Variants in TRAP1 observed in about 807,000 individuals in gnomAD.
TRAP1 encodes heat shock protein 75 kDa, mitochondrial.
A neutral mutation model predicts 89.1 loss-of-function variants in TRAP1; 102 were observed. That is an observed-to-expected ratio of 1.15 (90% confidence interval 0.98 to 1.35). The LOEUF is 1.35. TRAP1 is among the 40% of genes most tolerant of loss of function. The pLI, the probability that TRAP1 is intolerant of heterozygous loss-of-function variation, is 0.00. For synonymous variants in TRAP1, 508 were observed against 388.0 expected (o/e 1.31, Z -3.64); for missense variants, 1,256 against 945.3 (o/e 1.33, Z -4.31).
At chr16:3,664,221 G>C in intron 13 of TRAP1, 53 bp downstream of exon 13, 10 of 1,478,176 alleles carry the variant, frequency 6.8e-6, no homozygotes, top group Non-Finnish European at 9.0e-6. Context: ...AGAAGGTCAA[G>C]ACCCTCCCCA....
chr16:3,696,367 G>A (rs371976729), intron 1 of TRAP1, among the ~76,000 whole-genome samples: 7 of 152,130 alleles, frequency 4.6e-5, no homozygotes, highest in African/African-American at 7.2e-5. Flanking sequence ...CAATCTGTGC[G>A]GCAAAATAAC....
Position 3,689,080 on chromosome 16 carries a change from G to A in TRAP1, c.305C>T (p.Ala102Val). ...AETKKLLDIV[A>V]RSLYSEKEVF... is the part of the protein sequence containing the mutation. ...CTCTTTTTCTGAGTACAGGGACCGGGCAACAATGTCCAAAAGCTTCTTTGT... is the reference window on the plus strand; with the variant it reads ...CTCTTTTTCTGAGTACAGGGACCGGACAACAATGTCCAAAAGCTTCTTTGT... Residue 102 changes from alanine to valine, a missense_variant, in exon 3 of 18, where the codon GCC (alanine) becomes GTC (valine). Physicochemically the swap from Ala to Val is moderately conservative, Grantham distance 64 (BLOSUM62 0). Coordinates refer to ENST00000246957, the MANE Select transcript of TRAP1 (RefSeq NM_016292.3). 6.2e-7 allele frequency: 1 copy of A among 1,613,926 alleles called. No individual in the cohort carries two copies. The highest frequency in any genetic ancestry group is 8.5e-7 in the Non-Finnish European group (1 of 1,179,934).
rs2050742912 is a variant in TRAP1, at chr16:3,663,565, G to A, written c.1570-3C>T. On this transcript the variant is annotated splice_region_variant and splice_polypyrimidine_tract_variant and intron_variant, in intron 13 of 17. Transcript: ENST00000246957. ...AACTGCTCAAAGCAGAAGAGAACCT[G>A]CAGGTGGCCAAGAGCAGCTCCATCA... 1.9e-6 allele frequency: 3 copies of A among 1,613,570 alleles called. No homozygotes were observed. Among genetic ancestry groups the A allele is most frequent in the East Asian group, 2.2e-5 (1 of 44,898 alleles).
intron 4 of TRAP1, among the ~76,000 whole-genome samples, chr16:3,682,387 C>CAAAA (rs569995327): frequency 1.3e-5 from 1 of 78,372 alleles, no homozygotes; most frequent in Non-Finnish European, 2.7e-5. Context: ...CCTGCCTCTA[C>CAAAA]AAAAAAAAAA....
intron 11 of TRAP1, among the ~76,000 whole-genome samples, chr16:3,669,051 G>C (rs1423083186): frequency 2.6e-5 from 4 of 152,180 alleles, no homozygotes; most frequent in South Asian, 2.1e-4. Context: ...ATCCAGCCCA[G>C]GGACATTGTA....
intron 1 of TRAP1, among the ~76,000 whole-genome samples, chr16:3,714,229 T>G (rs1441162117): frequency 2.0e-5 from 3 of 152,180 alleles, no homozygotes; most frequent in African/African-American, 4.8e-5. Context: ...CAGCCACCTA[T>G]GACTCCAGAC....
At chr16:3,685,416 C>T (rs1428493777) in intron 4 of TRAP1, among the ~76,000 whole-genome samples, 1 of 152,158 alleles carries the variant, frequency 6.6e-6, no homozygotes, top group Admixed American at 6.6e-5. Context: ...AGCAAGCCAG[C>T]ACCCTAAAAG....
At chr16:3,668,864 G>A (rs1341498322) in intron 11 of TRAP1, among the ~76,000 whole-genome samples, 1 of 152,238 alleles carries the variant, frequency 6.6e-6, no homozygotes, top group Non-Finnish European at 1.5e-5. Flanking sequence ...ACAGTTCTCA[G>A]TGGAGAAGAA....
chr16:3,675,093 C>T (rs574587230), intron 8 of TRAP1, among the ~76,000 whole-genome samples: 4 of 152,138 alleles, frequency 2.6e-5, no homozygotes, highest in Non-Finnish European at 4.4e-5. Context: ...CTGGGATGGG[C>T]GTTACGCCTC....
At chr16:3,705,103 C>A (rs577471947) in intron 1 of TRAP1, among the ~76,000 whole-genome samples, 39 of 152,190 alleles carry the variant, frequency 2.6e-4, no homozygotes, top group African/African-American at 8.7e-4. Context: ...CTCGCTCTGT[C>A]GCCCAGGCTG....
chr16:3,712,285 C>CAAAAAAAAAAAAAAAAAA (rs764259574), intron 1 of TRAP1, among the ~76,000 whole-genome samples: 2 of 32,054 alleles, frequency 6.2e-5, no homozygotes, highest in Non-Finnish European at 1.1e-4. Flanking sequence ...GAATCTGTCT[C>CAAAAAAAAAAAAAAAAAA]AAAAAAAAAA....
intron 1 of TRAP1, among the ~76,000 whole-genome samples, chr16:3,702,319 C>A (rs2051377064): frequency 1.3e-5 from 2 of 151,836 alleles, no homozygotes; most frequent in Admixed American, 6.6e-5. Context: ...CAAACACAGA[C>A]AAGGTCCTAT....
intron 2 of TRAP1, among the ~76,000 whole-genome samples, chr16:3,689,561 G>A (rs760482149): frequency 6.6e-6 from 1 of 152,170 alleles, no homozygotes; most frequent in Non-Finnish European, 1.5e-5. Flanking sequence ...GTCTGGCTGG[G>A]CACCATGGCT....
intron 6 of TRAP1, 82 bp from the exon 7 acceptor site, chr16:3,676,227 G>A: frequency 1.6e-6 from 2 of 1,236,928 alleles, no homozygotes; most frequent in Non-Finnish European, 1.2e-6. Flanking sequence ...GTTCCCGAGG[G>A]TTTCATAGGC....
Position 3,664,395 on chromosome 16 carries a change from A to G in TRAP1, c.1448T>C (p.Leu483Pro). 6.2e-7 allele frequency: 1 copy of G among 1,612,388 alleles called. No individual in the cohort carries two copies. Among genetic ancestry groups the G allele is most frequent in the Non-Finnish European group, 8.5e-7 (1 of 1,179,446 alleles). ...SALPSGQLTS[L>P]SEYASRMRAG... ...CCGCATGCGGCTGGCGTATTCTGAGAGGCTGGTTAGCTGCCCGGAGGGCAG... is the reference window on the plus strand; with the variant it reads ...CCGCATGCGGCTGGCGTATTCTGAGGGGCTGGTTAGCTGCCCGGAGGGCAG... The change falls in exon 13 of 18, where the codon CTC becomes CCC. Residue 483 changes from leucine (L) to proline (P), a missense_variant. By Grantham distance (98) the Leu-to-Pro change is moderately conservative (BLOSUM62 -3). Coordinates refer to ENST00000246957, the MANE Select transcript of TRAP1 (RefSeq NM_016292.3).
chr16:3,708,106 G>C (rs2051475698), intron 1 of TRAP1, among the ~76,000 whole-genome samples: 1 of 152,068 alleles, frequency 6.6e-6, no homozygotes, highest in Non-Finnish European at 1.5e-5. Flanking sequence ...GATGAGGCAG[G>C]AGTATCACTT....
chr16:3,663,516 A>T lies in TRAP1; in HGVS notation c.1616T>A (p.Leu539His). ...EQFDELTLLH[L>H]REFDKKKLIS... ...CAGCTTCTTCTTGTCAAACTCACGA[A>T]GGTGCAGCAGGGTGAGCTCATCAAA... The change falls in exon 14 of 18, where the codon CTT (leucine) becomes CAT (histidine). Residue 539 changes from leucine to histidine, a missense_variant. Physicochemically the swap from Leu to His is moderately conservative, Grantham distance 99 (BLOSUM62 -3). Coordinates refer to ENST00000246957, the MANE Select transcript of TRAP1 (RefSeq NM_016292.3). 6.2e-7 allele frequency: 1 copy of T among 1,614,088 alleles called. No individual in the cohort carries two copies. Among genetic ancestry groups the T allele is most frequent in the Non-Finnish European group, 8.5e-7 (1 of 1,180,010 alleles).
chr16:3,709,113 C>A (rs2051491082), intron 1 of TRAP1, among the ~76,000 whole-genome samples: 1 of 151,086 alleles, frequency 6.6e-6, no homozygotes, highest in Admixed American at 6.6e-5. Flanking sequence ...CCGTGCCTGG[C>A]CCGACACTGT....
rs1272474481 is a variant in TRAP1 at position 3,679,729 on chromosome 16, G to C, written c.533C>G (p.Ser178Trp). The C allele has an allele frequency of 2.5e-6, 4 of 1,614,086 alleles. No homozygotes were observed. Among genetic ancestry groups the C allele is most frequent in the Non-Finnish European group, 3.4e-6 (4 of 1,180,002 alleles). The change falls in exon 5 of 18, where the codon TCG becomes TGG. Residue 178 changes from serine (S) to tryptophan (W), a missense_variant. Physicochemically the swap from Ser to Trp is radical, Grantham distance 177 (BLOSUM62 -3). Coordinates refer to ENST00000246957, the MANE Select transcript of TRAP1 (RefSeq NM_016292.3). ...GGGCCCCACGCTTACCTTTGACCCCGATCTGGCAATCGTCCCCAGGTTGGA... is the reference window on the plus strand; with the variant it reads ...GGGCCCCACGCTTACCTTTGACCCCCATCTGGCAATCGTCCCCAGGTTGGA... Reference protein sequence around the residue: ...LVSNLGTIARSGSKAFLDALQ... With the variant: ...LVSNLGTIARWGSKAFLDALQ...
Sources: allele counts gnomAD v4.1 joint callset (sites outside exome capture counted in the v4.1 genomes callset), GRCh38; gene constraint gnomAD v4.1.1; transcripts MANE v1.5; gene names NCBI Gene and HGNC (gene_info 2026-07-23, HGNC 2026-07-21).